The following PPP4R4 variants were observed in gnomAD, a reference collection of about 807,000 sequenced individuals.
The protein encoded by PPP4R4 is serine/threonine-protein phosphatase 4 regulatory subunit 4.
Under a neutral mutation model 121.8 loss-of-function variants are expected in PPP4R4, and 70 were observed. That is an observed-to-expected ratio of 0.57 (90% CI 0.47 to 0.70). PPP4R4 has a LOEUF of 0.70. PPP4R4 is among the 30% of genes least tolerant of loss of function. The pLI, the probability that PPP4R4 is intolerant of heterozygous loss-of-function variation, is 0.00. For synonymous variants in PPP4R4, 348 were observed against 355.7 expected, an observed-to-expected ratio of 0.98 and a Z score of 0.24; for missense variants, 875 against 1,033.6, an observed-to-expected ratio of 0.85 and a Z score of 2.10.
chr14:94,208,736 A>G (rs570658074), intron 3 of PPP4R4, among the ~76,000 whole-genome samples, 170 bp downstream of exon 3: 9 of 152,180 alleles, frequency 5.9e-5, no homozygotes, highest in Non-Finnish European at 1.2e-4. Context: ...TAGGGAAATT[A>G]GCTGATGGAA....
chr14:94,250,355 T>A, intron 15 of PPP4R4, 78 bp downstream of exon 15: 1 of 929,516 alleles, frequency 1.1e-6, no homozygotes, highest in Non-Finnish European at 1.7e-6. Flanking sequence ...AACTTATGTA[T>A]CATTTTGCTG....
At chr14:94,218,471 G>GTGCACACACACA (rs1891170407) in intron 3 of PPP4R4, among the ~76,000 whole-genome samples, 1 of 50,814 alleles carries the variant, frequency 2.0e-5, no homozygotes, top group South Asian at 1.0e-3. Flanking sequence ...CCGCACGCGC[G>GTGCACACACACA]CACACACACA....
chr14:94,174,708 G>T (rs1595437282), intron 1 of PPP4R4, 126 bp downstream of exon 1: 21 of 1,439,532 alleles, frequency 1.5e-5, no homozygotes, highest in Non-Finnish European at 1.7e-5. Flanking sequence ...TCTCAGTCGG[G>T]CCGGCCCCTC....
intron 15 of PPP4R4, among the ~76,000 whole-genome samples, chr14:94,251,462 A>C (rs1893174078): frequency 6.6e-6 from 1 of 152,064 alleles, no homozygotes; most frequent in Non-Finnish European, 1.5e-5. Context: ...AGTACTTAGC[A>C]CATAGTGGGT....
At chr14:94,178,766 A>G (rs1230383539) in intron 2 of PPP4R4, among the ~76,000 whole-genome samples, 1 of 152,194 alleles carries the variant, frequency 6.6e-6, no homozygotes, top group African/African-American at 2.4e-5. Flanking sequence ...AACTTTCCTA[A>G]TAGTCACAGC....
chr14:94,223,606 G>A (rs1179532466), intron 3 of PPP4R4, among the ~76,000 whole-genome samples: 2 of 152,098 alleles, frequency 1.3e-5, no homozygotes, highest in African/African-American at 2.4e-5. Flanking sequence ...CACTTTTCTG[G>A]ATATTTGTTG....
chr14:94,204,946 G>A (rs1183168272), intron 2 of PPP4R4, among the ~76,000 whole-genome samples: 1 of 152,070 alleles, frequency 6.6e-6, no homozygotes, highest in Non-Finnish European at 1.5e-5. Flanking sequence ...TTTTAATATT[G>A]AACCAGCGTT....
At chr14:94,238,191 G>A (rs1488680259) in intron 8 of PPP4R4, among the ~76,000 whole-genome samples, 2 of 152,242 alleles carry the variant, frequency 1.3e-5, no homozygotes, top group African/African-American at 4.8e-5. Context: ...CAACCCACGA[G>A]GGTGGAGCCA....
chr14:94,275,417 C>T lies in PPP4R4; in HGVS notation c.2493C>T (p.Ser831=). The T allele has an allele frequency of 1.9e-6, 3 of 1,613,974 alleles. No individual in the cohort carries two copies. The highest frequency in any genetic ancestry group is 1.7e-6 in the Non-Finnish European group (2 of 1,179,902). The part of the protein sequence containing the change: ...RTRNASSVPS[S]FSPNTPLPST... ...GTAATGCCAGTAGCGTTCCATCTTC[C>T]TTTTCTCCTAATACTCCCTTACCGA... Residue 831 remains serine (S), a synonymous_variant, in exon 24 of 25, where the codon TCC becomes TCT. Transcript: ENST00000304338.
At chr14:94,266,267 A>C (rs563831001) in intron 22 of PPP4R4, among the ~76,000 whole-genome samples, 1 of 152,316 alleles carries the variant, frequency 6.6e-6, no homozygotes, top group South Asian at 2.1e-4. Context: ...GTTTCTGTCT[A>C]TAAAGAATCC....
At chr14:94,190,400 G>A (rs1322850661) in intron 2 of PPP4R4, among the ~76,000 whole-genome samples, 2 of 152,008 alleles carry the variant, frequency 1.3e-5, no homozygotes, top group African/African-American at 4.8e-5. Flanking sequence ...TTGAGGTCAG[G>A]AGTTTGAGAC....
intron 8 of PPP4R4, among the ~76,000 whole-genome samples, chr14:94,239,871 C>G (rs142840182): frequency 1.0e-3 from 156 of 152,194 alleles, no homozygotes; most frequent in African/African-American, 3.6e-3. Context: ...ATTTCTACTT[C>G]TACTTAGTTA....
chr14:94,279,411 C>G lies in PPP4R4; in HGVS notation c.*768C>G, dbSNP rs1049417555. 4 of 152,514 alleles carry G rather than the reference C, an allele frequency of 2.6e-5. No individual in the cohort carries two copies. The highest frequency in any genetic ancestry group is 9.7e-5 in the African/African-American group (4 of 41,374). The allele number at this position is 152,514 out of a possible 1,614,324, so 9.4% of individuals were successfully genotyped here. A position where few individuals can be genotyped will look rare whatever the true frequency, so the allele number is the denominator to read the frequency against. ...AGTCTGAATCAGCTGTTATTCCAAG[C>G]TATCATGCTTAAGCTATGTCAACAG... On this transcript the variant is annotated 3_prime_UTR_variant, in exon 25 of 25. Coordinates refer to ENST00000304338, the MANE Select transcript of PPP4R4 (RefSeq NM_058237.2).
intron 9 of PPP4R4, 124 bp downstream of exon 9, chr14:94,240,919 A>G (rs1892597431): frequency 8.3e-7 from 1 of 1,209,196 alleles, no homozygotes; most frequent in Non-Finnish European, 1.1e-6. Context: ...TAAAAATCTT[A>G]TGAGATCTTA....
At chr14:94,193,341 G>A (rs1336355841) in intron 2 of PPP4R4, among the ~76,000 whole-genome samples, 1 of 151,958 alleles carries the variant, frequency 6.6e-6, no homozygotes, top group African/African-American at 2.4e-5. Context: ...TATGAGTTTT[G>A]GAGTAGTACA....
At chr14:94,200,989 C>T (rs546475494) in intron 2 of PPP4R4, among the ~76,000 whole-genome samples, 4 of 152,150 alleles carry the variant, frequency 2.6e-5, no homozygotes, top group East Asian at 3.9e-4. Flanking sequence ...CTCTTAGCAC[C>T]GCTTTTGCTC....
chr14:94,264,848 C>T, intron 19 of PPP4R4, 30 bp from the exon 20 acceptor site: 1 of 1,520,430 alleles, frequency 6.6e-7, no homozygotes, highest in Non-Finnish European at 9.0e-7. Context: ...TCAGTTGTAC[C>T]TTTAATGCAA....
chr14:94,231,123 G>A, intron 4 of PPP4R4, 119 bp from the exon 5 acceptor site: 3 of 747,780 alleles, frequency 4.0e-6, no homozygotes, highest in Non-Finnish European at 6.3e-6. Context: ...TTTTAGAATA[G>A]TAATGAAAAT....
In PPP4R4 at chr14:94,275,651, G is replaced by A. The variant is rs1432980040; in HGVS notation, c.2597+130G>A. ...ATGAGAAAATGTTATAAATTAAAGG[G>A]TATTATTGTCACATGTGACTCTGTT... is the stretch of plus-strand genomic sequence containing the variant. On this transcript the variant is annotated intron_variant, in intron 24 of 24. Coordinates refer to ENST00000304338, the MANE Select transcript of PPP4R4 (RefSeq NM_058237.2). 3.8e-6 allele frequency: 4 copies of A among 1,054,714 alleles called. No homozygotes were observed. The African/African-American group carries it at 6.4e-5, about 17-fold the overall frequency. 65.3% of individuals were successfully genotyped at this position (1,054,714 alleles called of 1,614,324 possible).
Sources: gnomAD v4.1 joint callset for allele counts (sites outside exome capture counted in the v4.1 genomes callset) on GRCh38, gnomAD v4.1.1 for gene constraint, MANE v1.5 for transcripts, NCBI Gene and HGNC (gene_info 2026-07-23, HGNC 2026-07-21) for gene names.